The following ARHGEF1 variants were observed in gnomAD, a reference collection of about 807,000 sequenced individuals.
ARHGEF1 encodes Rho guanine nucleotide exchange factor 1, also known as 115 kDa guanine nucleotide exchange factor.
In ARHGEF1, 40 loss-of-function variants were observed where a neutral mutation model predicts 119.7. The ratio of observed to expected loss-of-function variants is 0.33; its 90% CI spans 0.26 to 0.44. The LOEUF (loss-of-function observed/expected upper bound fraction) is 0.44, where lower values mean the gene tolerates loss of function less well. ARHGEF1 is among the 20% of genes least tolerant of loss of function. ARHGEF1 has a pLI of 1.00. For synonymous variants in ARHGEF1, 494 were observed against 521.0 expected (o/e 0.95, Z 0.71); for missense variants, 976 against 1,268.3 (o/e 0.77, Z 3.50).
upstream of ARHGEF1, among the ~76,000 whole-genome samples, chr19:41,920,356 G>A (rs2074834424): frequency 7.7e-6 from 1 of 129,214 alleles, no homozygotes; most frequent in Non-Finnish European, 1.6e-5. Flanking sequence ...ACTCAGACGT[G>A]ACGCACAGAC....
At chr19:41,920,440 G>A (rs571023758), upstream of ARHGEF1, among the ~76,000 whole-genome samples, 117 of 143,594 alleles carry the variant, frequency 8.1e-4, no homozygotes, top group Middle Eastern at 4.1e-3. Flanking sequence ...GACATGACAC[G>A]CTCACAGACA....
rs782665899 is a variant in ARHGEF1 at position 41,896,465 on chromosome 19, G to T, written c.1104G>T (p.Glu368Asp). Residue 368 changes from glutamate (E) to aspartate (D), a missense_variant, in exon 13 of 29, where the codon GAG (glutamate) becomes GAT (aspartate). Glu to Asp is a conservative substitution (Grantham distance 45). Around this residue, in one of 3 missense-constraint regions of ARHGEF1, gnomAD observed 519 missense variants for 580.9 expected, o/e 0.89. Transcript: ENST00000354532. ...ESLAPPESTDEGAETESPEPG... is the reference protein window; with the variant it reads ...ESLAPPESTDDGAETESPEPG... ...TGGCGCCCCCAGAGAGTACCGACGA[G>T]GGGGCCGAAACCGAGAGGTGCCCAG... is the stretch of plus-strand genomic sequence containing the variant. 1.3e-6 allele frequency: 2 copies of T among 1,486,756 alleles called. No individual in the cohort carries two copies. The highest frequency in any genetic ancestry group is 2.4e-5 in the Admixed American group (1 of 41,624). The allele number at this position is 1,486,756 out of a possible 1,614,324, so 92.1% of individuals were successfully genotyped here. A position where few individuals can be genotyped will look rare whatever the true frequency, so the allele number is the denominator to read the frequency against.
At chr19:41,895,053 AGGAG>A (rs2074458684) in intron 11 of ARHGEF1, among the ~76,000 whole-genome samples, 1 of 66,164 alleles carries the variant, frequency 1.5e-5, no homozygotes, top group Admixed American at 1.8e-4. Context: ...CTTAGGTCTG[AGGAG>A]GAAGGGCTGG....
intron 13 of ARHGEF1, 137 bp downstream of exon 13, chr19:41,896,619 G>A (rs181061311): frequency 3.0e-5 from 22 of 744,240 alleles, no homozygotes; most frequent in Non-Finnish European, 5.3e-5. Flanking sequence ...CTCTGGGTCT[G>A]GCCATTCCTC....
intron 18 of ARHGEF1, among the ~76,000 whole-genome samples, chr19:41,918,006 C>T (rs2074812391): frequency 6.6e-6 from 1 of 151,972 alleles, no homozygotes; most frequent in Non-Finnish European, 1.5e-5. Context: ...AGGGGCCGGC[C>T]CTCGACAGGC....
chr19:41,921,778 G>T (rs2074843644), upstream of ARHGEF1, among the ~76,000 whole-genome samples: 1 of 151,654 alleles, frequency 6.6e-6, no homozygotes, highest in Non-Finnish European at 1.5e-5. The surrounding 1 kb of genome is among the most constrained non-coding windows in gnomAD (Gnocchi z 4.4). Context: ...GACCTAAGGT[G>T]TGGATTCCTC....
In ARHGEF1 at chr19:41,888,053, T is replaced by G. The variant is rs1316196089; in HGVS notation, c.-19-11T>G. On this transcript the variant is annotated splice_polypyrimidine_tract_variant and intron_variant, in intron 1 of 28. Coordinates refer to ENST00000354532, the MANE Select transcript of ARHGEF1 (RefSeq NM_004706.4). The surrounding 1 kb of genome is among the most constrained non-coding windows in gnomAD (Gnocchi z 5.1). ...CCACCCTCCTAACCACAGCCCCTCC[T>G]CTTCCTCCAGCCCTGCAGAGCCCAG... 11 of 1,611,954 alleles carry G rather than the reference T, an allele frequency of 6.8e-6. No individual in the cohort carries two copies. Among genetic ancestry groups the G allele is most frequent in the Non-Finnish European group, 9.3e-6 (11 of 1,179,728 alleles).
At chr19:41,915,270 G>A (rs770738023) in intron 18 of ARHGEF1, among the ~76,000 whole-genome samples, 34 of 149,804 alleles carry the variant, frequency 2.3e-4, no homozygotes, top group East Asian at 4.0e-4. Flanking sequence ...CTGCTCCCAC[G>A]CTCCCCCCGC....
intron 14 of ARHGEF1, chr19:41,900,791 T>G (rs1028836421): frequency 1.4e-5 from 2 of 138,742 alleles, no homozygotes; most frequent in Non-Finnish European, 3.0e-5. Flanking sequence ...CACTGGTTTT[T>G]TTTTTTTTTT....
rs1157069316 is a variant in ARHGEF1, at chr19:41,906,969, TTC to T, written c.*18-132_*18-131del. ...TGTGTCTCTGTTTCTGATAATCTGTTTCTCTGTCTCTGTGCCCGCCTGCCTCT... is the reference window on the plus strand; with the variant it reads ...TGTGTCTCTGTTTCTGATAATCTGTTTCTGTCTCTGTGCCCGCCTGCCTCT... On this transcript the variant is annotated intron_variant, in intron 28 of 28. Transcript: ENST00000354532. This position sits in a 1 kb window ranked among gnomAD's most constrained non-coding sequence, Gnocchi z 4.5. 1.5e-5 allele frequency: 15 copies of T among 983,734 alleles called. No individual in the cohort carries two copies. Among genetic ancestry groups the T allele is most frequent in the Non-Finnish European group, 1.9e-5 (13 of 688,932 alleles). The allele number at this position is 983,734 out of a possible 1,614,324, so 60.9% of individuals were successfully genotyped here.
chr19:41,903,203 T>C lies in ARHGEF1; in HGVS notation c.1739-104T>C, dbSNP rs2074633732. Reference sequence around the variant, plus strand: ...TCCCAAAGTGCTTGGATTACAGGCGTGAGCCACCATGCCCGGCCAGCTGTC... The same window carrying C: ...TCCCAAAGTGCTTGGATTACAGGCGCGAGCCACCATGCCCGGCCAGCTGTC... On this transcript the variant is annotated intron_variant, in intron 18 of 28. Coordinates refer to ENST00000354532, the MANE Select transcript of ARHGEF1 (RefSeq NM_004706.4). The surrounding 1 kb of genome is among the most constrained non-coding windows in gnomAD (Gnocchi z 4.2). The C allele has an allele frequency of 5.7e-6, 6 of 1,045,788 alleles. No individual in the cohort carries two copies. The highest frequency in any genetic ancestry group is 8.7e-6 in the Non-Finnish European group (6 of 690,358). 64.8% of individuals were successfully genotyped at this position (1,045,788 alleles called of 1,614,324 possible). A position where few individuals can be genotyped will look rare whatever the true frequency, so the allele number is the denominator to read the frequency against.
chr19:41,901,108 G>A (rs1021866695), intron 14 of ARHGEF1, among the ~76,000 whole-genome samples: 1 of 151,326 alleles, frequency 6.6e-6, no homozygotes, highest in Admixed American at 6.6e-5. Context: ...CTATTTAAGA[G>A]GGCAAATGAC....
At position 41,903,821 on chromosome 19, in the gene ARHGEF1, C is replaced by T; in HGVS notation, c.1917+37C>T. 5.6e-6 allele frequency: 9 copies of T among 1,601,862 alleles called. No individual in the cohort carries two copies. Among genetic ancestry groups the T allele is most frequent in the Non-Finnish European group, 7.7e-6 (9 of 1,170,606 alleles). On this transcript the variant is annotated intron_variant, in intron 20 of 28. Transcript: ENST00000354532. The surrounding 1 kb of genome is among the most constrained non-coding windows in gnomAD (Gnocchi z 4.2). The stretch of plus-strand genomic sequence containing the variant: ...CCCTCCTGCCTCCCCCGCCCCCCTA[C>T]TCCTTGGCCCAGGGGATTCTGTGAT...
rs782396408 is a variant in ARHGEF1, at chr19:41,905,756, T to C, written c.2337-4T>C. The C allele has an allele frequency of 3.7e-6, 6 of 1,613,708 alleles. No homozygotes were observed. In the South Asian group the frequency reaches 6.6e-5, roughly 18 times the overall value. The stretch of plus-strand genomic sequence containing the variant: ...TGGGGTCACCCAGCACTTCCTCCCC[T>C]CAGCACCCGAGAACCCCTCCTCAGC... On this transcript the variant is annotated splice_polypyrimidine_tract_variant and splice_region_variant and intron_variant, in intron 24 of 28. Coordinates refer to ENST00000354532, the MANE Select transcript of ARHGEF1 (RefSeq NM_004706.4). The surrounding 1 kb of genome is among the most constrained non-coding windows in gnomAD (Gnocchi z 6.4).
upstream of ARHGEF1, among the ~76,000 whole-genome samples, chr19:41,919,534 C>CAA (rs1402107548): frequency 3.3e-5 from 5 of 151,906 alleles, no homozygotes; most frequent in African/African-American, 9.7e-5. Flanking sequence ...CACACACACA[C>CAA]ACGTCCACAT....
In ARHGEF1 at chr19:41,898,444, C is replaced by T. The variant is rs2303797; in HGVS notation, c.1124C>T (p.Pro375Leu). 1,498 of 1,547,404 alleles carry T rather than the reference C, an allele frequency of 9.7e-4. 28 individuals are homozygous for T. In the East Asian group the frequency reaches 0.03, roughly 31 times the overall value. The change falls in exon 14 of 29, where the codon CCC (proline) becomes CTC (leucine). Residue 375 changes from proline (P) to leucine (L), a missense_variant and splice_region_variant. Pro to Leu is a moderately conservative substitution (Grantham distance 98, BLOSUM62 -3). Coordinates refer to ENST00000354532, the MANE Select transcript of ARHGEF1 (RefSeq NM_004706.4). The part of the protein sequence containing the change: ...STDEGAETES[P>L]EPGDEGEPGR... Reference sequence around the variant, plus strand: ...CCTAACAAGGCCTCTGTCCACAGCCCCGAGCCTGGAGATGAGGGGGAGCCG... The same window carrying T: ...CCTAACAAGGCCTCTGTCCACAGCCTCGAGCCTGGAGATGAGGGGGAGCCG...
intron 1 of ARHGEF1, among the ~76,000 whole-genome samples, chr19:41,885,797 G>A (rs1242260069): frequency 1.3e-5 from 2 of 151,874 alleles, no homozygotes; most frequent in Non-Finnish European, 1.5e-5. Context: ...CTGTCGCCCA[G>A]GCTGGAGGGC....
chr19:41,929,598 T>G (rs1388315766), intron 2 of ARHGEF1: 1 of 112,852 alleles, frequency 8.9e-6, no homozygotes, highest in Non-Finnish European at 1.8e-5. Context: ...CACCCTGCCC[T>G]CTCTCCCGCT....
Position 41,928,757 on chromosome 19 carries a change from CG to C in ARHGEF1, c.141-69del, listed in dbSNP as rs1375947792. The C allele has an allele frequency of 2.7e-5, 6 of 226,116 alleles. No individual in the cohort carries two copies. In the African/African-American group the frequency reaches 5.1e-4, roughly 19 times the overall value. 14.0% of individuals were successfully genotyped at this position (226,116 alleles called of 1,614,324 possible). A position where few individuals can be genotyped will look rare whatever the true frequency, so the allele number is the denominator to read the frequency against. On this transcript the variant is annotated intron_variant, in intron 1 of 2. Coordinates refer to the ARHGEF1 transcript ENST00000594417. ...CGGGACTGAGGGAGTGGGGGTGGGG[CG>C]GGGGTGGGTGGAGAGGTGGAGAGAC...
Sources: allele counts gnomAD v4.1 joint callset (sites outside exome capture counted in the v4.1 genomes callset), GRCh38; gene constraint gnomAD v4.1.1; regional missense constraint gnomAD v4.1.1; non-coding constraint Gnocchi (gnomAD v3.1); transcripts MANE v1.5; gene names NCBI Gene and HGNC (gene_info 2026-07-23, HGNC 2026-07-21).